Variants in EP400 observed in about 807,000 individuals in gnomAD.
EP400 encodes the protein E1A-binding protein p400.
A neutral mutation model predicts 354.1 loss-of-function variants in EP400; 105 were observed. The ratio of observed to expected loss-of-function variants is 0.30; its 90% CI spans 0.25 to 0.35. The LOEUF is 0.35. Ranked by LOEUF, EP400 falls within the 10% of genes least tolerant of loss-of-function variation. EP400 has a pLI of 1.00. For missense variants in EP400, 3,280 were observed against 4,121.0 expected (o/e 0.80, Z 5.59); for synonymous variants, 1,646 against 1,716.9 (o/e 0.96, Z 1.02).
rs1894115604 is a variant in EP400 at position 132,021,299 on chromosome 12, G to GCAGGCC, written c.4676_4681dup (p.Gln1559_Ala1560dup). The GCAGGCC allele has an allele frequency of 1.3e-6, 2 of 1,524,178 alleles. No homozygotes were observed. The highest frequency in any genetic ancestry group is 2.8e-5 in the African/African-American group (2 of 71,870). The allele number at this position is 1,524,178 out of a possible 1,614,324, so 94.4% of individuals were successfully genotyped here. Reference sequence around the variant, plus strand: ...TGCCTCAGAGGCTGGTGCTCCCCTCGCAGGCCCAGGCCCGCTTGCCCAGTA... The same window carrying GCAGGCC: ...TGCCTCAGAGGCTGGTGCTCCCCTCGCAGGCCCAGGCCCAGGCCCGCTTGCCCAGTA... On this transcript the variant is annotated inframe_insertion, in exon 23 of 53. Coordinates refer to ENST00000389561, the MANE Select transcript of EP400 (RefSeq NM_015409.5).
intron 1 of EP400, among the ~76,000 whole-genome samples, chr12:131,953,449 T>A (rs1490094794): frequency 1.3e-5 from 2 of 152,238 alleles, no homozygotes; most frequent in East Asian, 3.8e-4. Context: ...TTTAAAATCC[T>A]TGGAATTGTA....
rs1354845928 is a variant in EP400, at chr12:132,001,096, T to A, written c.2828-3981T>A. On this transcript the variant is annotated intron_variant, in intron 12 of 52. Coordinates refer to ENST00000389561, the MANE Select transcript of EP400 (RefSeq NM_015409.5). ...TCGGTGGGTTTCTTCCCACCGTGTG[T>A]GGAGACGAGAGATTGTGGAAATAAA... 3.3e-5 allele frequency among the ~76,000 whole-genome samples: 5 copies of A among 152,008 alleles called. No individual in the cohort carries two copies. The East Asian group carries it at 9.6e-4, about 29-fold the overall frequency.
intron 13 of EP400, among the ~76,000 whole-genome samples, 180 bp downstream of exon 13, chr12:132,005,364 A>C (rs1283501713): frequency 6.6e-6 from 1 of 152,176 alleles, no homozygotes; most frequent in East Asian, 1.9e-4. Context: ...TAATTTATTA[A>C]CCTGGCACAG....
intron 12 of EP400, among the ~76,000 whole-genome samples, chr12:132,001,452 G>A (rs1373730388): frequency 6.6e-6 from 1 of 152,196 alleles, no homozygotes; most frequent in Non-Finnish European, 1.5e-5. Flanking sequence ...ACGTGTACAG[G>A]ATGGAACATG....
rs781353316 is a variant in EP400 at position 131,994,866 on chromosome 12, G to A, written c.2738-1G>A. ...GTGACACTTGCTGATAACCATTTTA[G>A]TGGACGATGAAGAGGAAACAATTGA... On this transcript the variant is annotated splice_acceptor_variant, in intron 11 of 52. Coordinates refer to ENST00000389561, the MANE Select transcript of EP400 (RefSeq NM_015409.5). LOFTEE classifies it high-confidence loss of function. The surrounding 1 kb of genome is among the most constrained non-coding windows in gnomAD (Gnocchi z 4.6). The A allele has an allele frequency of 6.2e-7, 1 of 1,613,946 alleles. No homozygotes were observed. The highest frequency in any genetic ancestry group is 8.5e-7 in the Non-Finnish European group (1 of 1,179,896).
chr12:131,997,625 A>C (rs935908290), intron 12 of EP400, among the ~76,000 whole-genome samples: 2 of 152,212 alleles, frequency 1.3e-5, no homozygotes, highest in African/African-American at 4.8e-5. Flanking sequence ...GGAGAAAAGA[A>C]AATGTTGTTA....
chr12:132,008,156 C>A (rs1042865098), intron 15 of EP400, among the ~76,000 whole-genome samples: 1 of 152,178 alleles, frequency 6.6e-6, no homozygotes, highest in East Asian at 1.9e-4. Context: ...CCATGTTGGT[C>A]AGGCTGGTCT....
At chr12:131,980,697 C>G (rs1387125011) in intron 3 of EP400, among the ~76,000 whole-genome samples, 1 of 152,148 alleles carries the variant, frequency 6.6e-6, no homozygotes, top group Non-Finnish European at 1.5e-5. Flanking sequence ...AGGCGCGTGC[C>G]ACCACTCCCA....
At chr12:132,055,999 C>T (rs899771111) in intron 45 of EP400, among the ~76,000 whole-genome samples, 4 of 151,696 alleles carry the variant, frequency 2.6e-5, no homozygotes, top group African/African-American at 9.7e-5. Context: ...ATGGGAGGAG[C>T]GGGCAGTTTC....
intron 2 of EP400, among the ~76,000 whole-genome samples, chr12:131,968,481 G>T (rs1892177260): frequency 6.6e-6 from 1 of 152,176 alleles, no homozygotes; most frequent in African/African-American, 2.4e-5. Flanking sequence ...ATAGCTTTAT[G>T]TAAGTTTTGA....
intron 1 of EP400, among the ~76,000 whole-genome samples, 177 bp downstream of exon 1, chr12:131,950,213 C>T (rs896224621): frequency 2.0e-5 from 3 of 151,972 alleles, no homozygotes; most frequent in African/African-American, 7.2e-5. Context: ...GGCGGGCGAC[C>T]GGGCTGAGGG....
chr12:132,024,677 C>T (rs1049151248), intron 24 of EP400, among the ~76,000 whole-genome samples: 1 of 151,408 alleles, frequency 6.6e-6, no homozygotes, highest in Non-Finnish European at 1.5e-5. Context: ...GCAGCCCCCG[C>T]AGCCTCCTTC....
intron 29 of EP400, chr12:132,031,142 T>C: frequency 6.7e-6 from 3 of 448,038 alleles, no homozygotes; most frequent in South Asian, 5.0e-5. Context: ...GAAATCGTTA[T>C]GGAAGAAAAG....
intron 2 of EP400, among the ~76,000 whole-genome samples, chr12:131,973,624 C>T (rs1159813809): frequency 1.3e-5 from 2 of 152,072 alleles, no homozygotes; most frequent in Non-Finnish European, 2.9e-5. Flanking sequence ...GCCTGGGCAG[C>T]GGAGCAAGAC....
intron 42 of EP400, 38 bp downstream of exon 42, chr12:132,053,262 G>C: frequency 6.2e-7 from 1 of 1,611,668 alleles, no homozygotes; most frequent in Non-Finnish European, 8.5e-7. Context: ...GTGGGAAAAT[G>C]TGGTGACTGT....
In EP400 at chr12:131,979,730, G is replaced by C; in HGVS notation, c.1372G>C (p.Gly458Arg). The C allele has an allele frequency of 6.2e-7, 1 of 1,609,402 alleles. No individual in the cohort carries two copies. Among genetic ancestry groups the C allele is most frequent in the Non-Finnish European group, 8.5e-7 (1 of 1,177,726 alleles). ...ALAGSLVAGA[G>R]STVETDLFKR... ...CGCAGGGAGCCTGGTAGCAGGGGCC[G>C]GAAGCACAGTAGAGACGGACCTGTT... is the stretch of plus-strand genomic sequence containing the variant. The change falls in exon 3 of 53, where the codon GGA becomes CGA. Residue 458 changes from glycine to arginine, a missense_variant. By Grantham distance (125) the Gly-to-Arg change is moderately radical. Coordinates refer to ENST00000389561, the MANE Select transcript of EP400 (RefSeq NM_015409.5).
intron 45 of EP400, among the ~76,000 whole-genome samples, chr12:132,055,895 A>T (rs2136596316): frequency 6.6e-6 from 1 of 151,872 alleles, no homozygotes; most frequent in Admixed American, 6.5e-5. Context: ...TGGGGAAGCT[A>T]AGAGATGACA....
chr12:131,971,994 A>G (rs1892300921), intron 2 of EP400, among the ~76,000 whole-genome samples: 1 of 152,156 alleles, frequency 6.6e-6, no homozygotes, highest in African/African-American at 2.4e-5. Flanking sequence ...AATTCCTTGT[A>G]AGACGGAAAG....
chr12:132,064,747 C>G lies in EP400; in HGVS notation c.8414C>G (p.Pro2805Arg). Reference sequence around the variant, plus strand: ...CCGCCACAGGCCCAGTCTGCGCCCCCGCAGCCAACAGCCCAAGTGCAAGTG... The same window carrying G: ...CCGCCACAGGCCCAGTCTGCGCCCCGGCAGCCAACAGCCCAAGTGCAAGTG... ...PPPPQAQSAP[P>R]QPTAQVQVQT... Residue 2805 changes from proline to arginine, a missense_variant, in exon 48 of 53, where the codon CCG (proline) becomes CGG (arginine). By Grantham distance (103) the Pro-to-Arg change is moderately radical. This residue lies in a region of EP400 where 86 missense variants were observed against 66.4 expected (regional missense o/e 1.29). Transcript: ENST00000389561. 1 of 1,613,746 alleles carries G rather than the reference C, an allele frequency of 6.2e-7. No homozygotes were observed. The highest frequency in any genetic ancestry group is 8.5e-7 in the Non-Finnish European group (1 of 1,179,956).
Sources: gnomAD v4.1 joint callset for allele counts (sites outside exome capture counted in the v4.1 genomes callset) on GRCh38, gnomAD v4.1.1 for gene constraint, gnomAD v4.1.1 regional missense constraint, Gnocchi (gnomAD v3.1) non-coding constraint, MANE v1.5 for transcripts, NCBI Gene and HGNC (gene_info 2026-07-23, HGNC 2026-07-21) for gene names.